Variants in DPP6 observed in about 807,000 individuals in gnomAD.
DPP6 encodes A-type potassium channel modulatory protein DPP6.
Under a neutral mutation model 122.6 loss-of-function variants are expected in DPP6, and 69 were observed. That is an observed-to-expected ratio of 0.56 (90% CI 0.46 to 0.69). DPP6 has a LOEUF of 0.69. Ranked by LOEUF, DPP6 falls within the 30% of genes least tolerant of loss-of-function variation. DPP6 has a pLI of 0.00. For missense variants in DPP6, 928 were observed against 1,116.9 expected (o/e 0.83, Z 2.41); for synonymous variants, 418 against 433.1 (o/e 0.97, Z 0.43).
At chr7:154,022,484 C>A (rs527843274) in intron 1 of DPP6, among the ~76,000 whole-genome samples, 5 of 151,994 alleles carry the variant, frequency 3.3e-5, no homozygotes, top group Admixed American at 3.3e-4. Context: ...AAGTAGAGGC[C>A]GGGAAAAACA....
rs866436911 is a variant in DPP6, at chr7:154,801,460, C to A, written c.1405C>A (p.Gln469Lys). 6.4e-7 allele frequency: 1 copy of A among 1,573,152 alleles called. No individual in the cohort carries two copies. The change falls in exon 13 of 26, where the codon CAG becomes AAG. Residue 469 changes from glutamine (Q) to lysine (K), a missense_variant and splice_region_variant. Physicochemically the swap from Gln to Lys is moderately conservative, Grantham distance 53. Transcript: ENST00000377770. ...CTATCACATCACGGTGTCCTCGTCCCAGGTAAGTCCTGCTAGTTTCCGGAG... is the reference window on the plus strand; with the variant it reads ...CTATCACATCACGGTGTCCTCGTCCAAGGTAAGTCCTGCTAGTTTCCGGAG... ...KFYHITVSSS[Q>K]PNSSNDNIQS...
intron 22 of DPP6, 95 bp downstream of exon 22, chr7:154,885,839 G>T (rs940249911): frequency 5.4e-6 from 8 of 1,477,426 alleles, no homozygotes; most frequent in African/African-American, 1.5e-5. Flanking sequence ...CAGCACCACC[G>T]TCCCGCTAAC....
intron 1 of DPP6, among the ~76,000 whole-genome samples, chr7:154,415,808 G>C (rs766175294): frequency 2.1e-4 from 31 of 150,954 alleles, no homozygotes; most frequent in Non-Finnish European, 3.8e-4. Flanking sequence ...GTTACAGATT[G>C]AGTTGGACAC....
intron 1 of DPP6, among the ~76,000 whole-genome samples, chr7:153,901,699 T>C (rs1799645292): frequency 6.6e-6 from 1 of 152,238 alleles, no homozygotes; most frequent in South Asian, 2.1e-4. Flanking sequence ...AGACCCTCGT[T>C]GTTTCTTTGC....
chr7:153,969,161 G>A (rs899656552), intron 1 of DPP6, among the ~76,000 whole-genome samples: 3 of 151,258 alleles, frequency 2.0e-5, no homozygotes, highest in Admixed American at 6.6e-5. Flanking sequence ...TGTTTAACCT[G>A]ATGAACTAGA....
intron 1 of DPP6, among the ~76,000 whole-genome samples, chr7:154,355,328 CT>C (rs1188544735): frequency 6.6e-6 from 1 of 152,088 alleles, no homozygotes; most frequent in Non-Finnish European, 1.5e-5. Flanking sequence ...TGTAGTTGGC[CT>C]TTTCATATAA....
intron 1 of DPP6, among the ~76,000 whole-genome samples, chr7:154,369,867 A>G (rs981099432): frequency 2.0e-5 from 3 of 152,004 alleles, no homozygotes; most frequent in Non-Finnish European, 4.4e-5. Context: ...TAGCTTTCCT[A>G]TTTTCTCAGA....
At chr7:154,597,225 C>T (rs1197486508) in intron 5 of DPP6, among the ~76,000 whole-genome samples, 1 of 151,430 alleles carries the variant, frequency 6.6e-6, no homozygotes, top group Non-Finnish European at 1.5e-5. Context: ...AGAGGGGAGA[C>T]AGAGAGAGAC....
At chr7:153,877,521 C>T in the DPP6 span, among the ~76,000 whole-genome samples, 1 of 152,016 alleles carries the variant, frequency 6.6e-6, no homozygotes, top group African/African-American at 2.4e-5. Flanking sequence ...GGTGTTAGGA[C>T]AATGATGATG....
intron 3 of DPP6, among the ~76,000 whole-genome samples, chr7:154,508,143 G>C (rs11773838): frequency 0.24 from 36,397 of 151,906 alleles, 4,446 homozygotes; most frequent in Middle Eastern, 0.33. Context: ...TCTATGAAAA[G>C]CAACTCGAAC....
the DPP6 span, among the ~76,000 whole-genome samples, chr7:153,785,870 C>G: frequency 1.3e-5 from 2 of 149,602 alleles, no homozygotes; most frequent in Non-Finnish European, 1.5e-5. Context: ...TGTTGCCCAG[C>G]CTGTCTTTTT....
At chr7:153,804,197 G>C in the DPP6 span, among the ~76,000 whole-genome samples, 1 of 151,958 alleles carries the variant, frequency 6.6e-6, no homozygotes, top group African/African-American at 2.4e-5. Flanking sequence ...TTACAGGTGT[G>C]CACCACCACA....
intron 1 of DPP6, among the ~76,000 whole-genome samples, chr7:154,211,414 C>T (rs1008535612): frequency 1.6e-4 from 24 of 152,184 alleles, no homozygotes; most frequent in African/African-American, 4.6e-4. Context: ...GCACCCCTCA[C>T]GTCCATCTCC....
At chr7:154,858,806 T>G (rs1218214305) in intron 17 of DPP6, among the ~76,000 whole-genome samples, 3 of 152,142 alleles carry the variant, frequency 2.0e-5, no homozygotes, top group African/African-American at 7.2e-5. Context: ...TGGCAGCCCC[T>G]TAGCCCCCAG....
chr7:154,060,106 C>T (rs1490323256), intron 1 of DPP6, among the ~76,000 whole-genome samples: 1 of 150,124 alleles, frequency 6.7e-6, no homozygotes, highest in Non-Finnish European at 1.5e-5. Flanking sequence ...GGAGGCAATC[C>T]TCCCGAGGCG....
In DPP6 at chr7:154,329,618, T is replaced by G. The variant is rs372915817; in HGVS notation, c.244-116596T>G. Among the ~76,000 whole-genome samples the G allele has an allele frequency of 3.9e-5, 6 of 152,160 alleles. No homozygotes were observed. The East Asian group carries it at 5.8e-4, about 15-fold the overall frequency. On this transcript the variant is annotated intron_variant, in intron 1 of 25. Coordinates refer to ENST00000377770, the MANE Select transcript of DPP6 (RefSeq NM_130797.4). ...AAATTAGTTTAATCATGGAAGACAG[T>G]GTGGTGATTCCTCAAGGGCCTAGAA...
intron 1 of DPP6, among the ~76,000 whole-genome samples, chr7:154,307,248 C>T (rs2150990023): frequency 6.6e-6 from 1 of 152,204 alleles, no homozygotes; most frequent in East Asian, 1.9e-4. Flanking sequence ...TTTTGGAGGA[C>T]CTATGAGCTC....
the DPP6 span, among the ~76,000 whole-genome samples, chr7:153,762,704 C>T: frequency 0.019 from 2,873 of 152,126 alleles, 34 homozygotes; most frequent in African/African-American, 0.037. Flanking sequence ...CGCTTGACCC[C>T]GGGAGGTGGA....
At chr7:154,117,435 G>T (rs1335029913) in intron 1 of DPP6, among the ~76,000 whole-genome samples, 2 of 152,080 alleles carry the variant, frequency 1.3e-5, no homozygotes, top group African/African-American at 4.8e-5. Context: ...GTCTTTTAGG[G>T]GGAAGGGAAC....
Sources: gnomAD v4.1 joint callset for allele counts (sites outside exome capture counted in the v4.1 genomes callset) on GRCh38, gnomAD v4.1.1 for gene constraint, MANE v1.5 for transcripts, NCBI Gene and HGNC (gene_info 2026-07-23, HGNC 2026-07-21) for gene names.